MBNL3: variants seen among roughly 807,000 people sequenced by gnomAD.
MBNL3 encodes the protein muscleblind like splicing regulator 3.
MBNL3 carries 6 observed loss-of-function variants against 24.5 expected under a neutral mutation model. The observed-to-expected ratio is 0.25, with a 90% confidence interval of 0.13 to 0.48. MBNL3 has a LOEUF of 0.48. MBNL3 is among the 20% of genes least tolerant of loss of function. MBNL3 has a pLI of 0.99. For missense variants in MBNL3, 230 were observed against 293.5 expected (o/e 0.78, Z 1.58); for synonymous variants, 100 against 101.7 (o/e 0.98, Z 0.10).
At chrX:132,413,683 G>GGCAGCCACTCCACCTTC (rs2148332393) in intron 2 of MBNL3, 1 of 933,058 alleles carries the variant, frequency 1.1e-6, no homozygotes, top group South Asian at 3.6e-5. Flanking sequence ...TCGCTACCCT[G>GGCAGCCACTCCACCTTC]GCAGCCACTC....
Position 132,376,725 on chromosome X carries a change from TTTC to T in MBNL3, c.*2938_*2940del, listed in dbSNP as rs1966120190. 8.9e-6 allele frequency: 1 copy of T among 112,047 alleles called. No homozygotes were observed. Among genetic ancestry groups the T allele is most frequent in the African/African-American group, 3.2e-5 (1 of 30,911 alleles). The allele number at this position is 112,047 out of a possible 1,213,427, so 9.2% of individuals were successfully genotyped here. A position where few individuals can be genotyped will look rare whatever the true frequency, so the allele number is the denominator to read the frequency against. ...GAAATTTATAGTCTAATGACTTATC[TTTC>T]TTCTTTTCTCTTTTCTTGAATAAAG... is the stretch of plus-strand genomic sequence containing the variant. On this transcript the variant is annotated 3_prime_UTR_variant, in exon 9 of 9. Transcript: ENST00000370853.
intron 2 of MBNL3, among the ~76,000 whole-genome samples, chrX:132,419,507 A>C (rs1042657730): frequency 1.4e-4 from 16 of 112,235 alleles, no homozygotes; most frequent in Admixed American, 4.7e-4. Flanking sequence ...ATCAACCTTA[A>C]CACAAAATGG....
At chrX:132,433,170 G>A (rs1175484692) in intron 2 of MBNL3, among the ~76,000 whole-genome samples, 1 of 111,903 alleles carries the variant, frequency 8.9e-6, no homozygotes, top group African/African-American at 3.3e-5. Context: ...GGTCTGAGGT[G>A]CAGATGGGTC....
In MBNL3 at chrX:132,439,711, A is replaced by G; in HGVS notation, c.-100T>C. ...GAATTCAAACTAAGTGCGAAGAGAT[A>G]ACAGGTTGCTTTGGTGAAATGTCTA... On this transcript the variant is annotated 5_prime_UTR_variant, in exon 2 of 9. Coordinates refer to ENST00000370853, the MANE Select transcript of MBNL3 (RefSeq NM_001386889.1). 9.6e-7 allele frequency: 1 copy of G among 1,047,015 alleles called. No individual in the cohort carries two copies. Among genetic ancestry groups the G allele is most frequent in the Non-Finnish European group, 1.2e-6 (1 of 810,778 alleles). 86.3% of individuals were successfully genotyped at this position (1,047,015 alleles called of 1,213,427 possible). A position where few individuals can be genotyped will look rare whatever the true frequency, so the allele number is the denominator to read the frequency against.
At chrX:132,480,423 C>A (rs945986967) in intron 1 of MBNL3, among the ~76,000 whole-genome samples, 1 of 111,991 alleles carries the variant, frequency 8.9e-6, no homozygotes, top group Non-Finnish European at 1.9e-5. Flanking sequence ...GTAGCTGTAA[C>A]ACCTCTGAGT....
chrX:132,413,674 C>T (rs906961268), intron 2 of MBNL3: 1 of 981,250 alleles, frequency 1.0e-6, no homozygotes, highest in Non-Finnish European at 1.3e-6. Flanking sequence ...TCACACGGCT[C>T]GCTACCCTGG....
At chrX:132,410,167 G>A (rs1942520265) in intron 2 of MBNL3, among the ~76,000 whole-genome samples, 1 of 111,939 alleles carries the variant, frequency 8.9e-6, no homozygotes, top group Non-Finnish European at 1.9e-5. Context: ...TCAATCTATT[G>A]CCTTCTTCCT....
intron 1 of MBNL3, among the ~76,000 whole-genome samples, chrX:132,467,688 C>A (rs1358642237): frequency 8.9e-6 from 1 of 111,913 alleles, no homozygotes; most frequent in African/African-American, 3.2e-5. Context: ...AAACCCCAGA[C>A]TAAGTCGCAC....
chrX:132,430,899 G>A (rs1051709503), intron 2 of MBNL3: 2 of 111,058 alleles, frequency 1.8e-5, no homozygotes, highest in African/African-American at 6.6e-5. Flanking sequence ...TGAGTAGCTG[G>A]GACTACAGGC....
chrX:132,376,940 G>A lies in MBNL3; in HGVS notation c.*2726C>T, dbSNP rs939467908. The A allele has an allele frequency of 1.8e-5, 2 of 111,174 alleles. No homozygotes were observed. Among genetic ancestry groups the A allele is most frequent in the African/African-American group, 6.5e-5 (2 of 30,603 alleles). 9.2% of individuals were successfully genotyped at this position (111,174 alleles called of 1,213,427 possible). A position where few individuals can be genotyped will look rare whatever the true frequency, so the allele number is the denominator to read the frequency against. On this transcript the variant is annotated 3_prime_UTR_variant, in exon 9 of 9. Coordinates refer to ENST00000370853, the MANE Select transcript of MBNL3 (RefSeq NM_001386889.1). ...AAATTGTGGCACCAAAAATACAGTG[G>A]CCCTAAATACCCCTCACGGAACCTT... is the stretch of plus-strand genomic sequence containing the variant.
At chrX:132,380,569 C>G (rs1469441867) in intron 8 of MBNL3, among the ~76,000 whole-genome samples, 1 of 111,315 alleles carries the variant, frequency 9.0e-6, no homozygotes, top group Non-Finnish European at 1.9e-5. Flanking sequence ...GAAGGGCTAG[C>G]TGGGGTCTGG....
At chrX:132,427,952 C>T (rs1318827148) in intron 2 of MBNL3, among the ~76,000 whole-genome samples, 2 of 110,921 alleles carry the variant, frequency 1.8e-5, no homozygotes, top group African/African-American at 3.3e-5. Flanking sequence ...CAGTTTTCAA[C>T]GTGGAAACTG....
chrX:132,456,312 G>A (rs1200061184), intron 1 of MBNL3, among the ~76,000 whole-genome samples: 1 of 112,135 alleles, frequency 8.9e-6, no homozygotes, highest in Non-Finnish European at 1.9e-5. Context: ...AGAATTCTAA[G>A]AGTGAGTTTA....
intron 2 of MBNL3, among the ~76,000 whole-genome samples, chrX:132,436,494 C>T (rs763686408): frequency 1.6e-4 from 18 of 111,692 alleles, no homozygotes; most frequent in Non-Finnish European, 2.1e-4. Flanking sequence ...ACAACAACAA[C>T]AAAACAAAAC....
chrX:132,384,640 G>T (rs766089303), intron 7 of MBNL3, 23 bp downstream of exon 7: 45 of 1,176,450 alleles, frequency 3.8e-5, no homozygotes, highest in Middle Eastern at 5.5e-4. Flanking sequence ...AGAAAATGTT[G>T]ATAATTTTTG....
intron 8 of MBNL3, 75 bp from the exon 9 acceptor site, chrX:132,379,752 T>C: frequency 1.2e-6 from 1 of 846,140 alleles, no homozygotes; most frequent in Non-Finnish European, 1.7e-6. Flanking sequence ...GTCAGGAGAG[T>C]GTGGTGGGTC....
chrX:132,447,745 T>C (rs1469595842), intron 1 of MBNL3, among the ~76,000 whole-genome samples: 6 of 112,163 alleles, frequency 5.3e-5, no homozygotes, highest in Non-Finnish European at 1.1e-4. Context: ...AATTTATTTC[T>C]TTCTCTTGCC....
At chrX:132,484,293 C>T (rs1008084912) in intron 1 of MBNL3, among the ~76,000 whole-genome samples, 3 of 112,014 alleles carry the variant, frequency 2.7e-5, no homozygotes, top group African/African-American at 9.7e-5. Context: ...AATAATGCTA[C>T]AAGGAAGAAT....
chrX:132,489,256 GT>G (rs1948167588), upstream of MBNL3, among the ~76,000 whole-genome samples: 1 of 112,060 alleles, frequency 8.9e-6, no homozygotes, highest in Admixed American at 9.3e-5. Flanking sequence ...ACTCCTTTCG[GT>G]TCCAGGGGCC....
Sources: gnomAD v4.1 joint callset for allele counts (sites outside exome capture counted in the v4.1 genomes callset) on GRCh38, gnomAD v4.1.1 for gene constraint, MANE v1.5 for transcripts, NCBI Gene and HGNC (gene_info 2026-07-23, HGNC 2026-07-21) for gene names.